The following CTNNA3 variants were observed in gnomAD, a reference collection of about 807,000 sequenced individuals.
The protein encoded by CTNNA3 is catenin alpha 3.
Under a neutral mutation model 95.7 loss-of-function variants are expected in CTNNA3, and 76 were observed. The observed-to-expected ratio is 0.79, with a 90% CI of 0.66 to 0.96. The LOEUF is 0.96. Ranked by LOEUF, CTNNA3 falls within the 40% of genes least tolerant of loss-of-function variation. CTNNA3 has a pLI of 0.00. For missense variants in CTNNA3, 1,191 were observed against 1,089.8 expected (o/e 1.09, Z -1.31); for synonymous variants, 431 against 374.4 (o/e 1.15, Z -1.74).
chr10:66,541,199 T>A (rs1422845728), intron 10 of CTNNA3, among the ~76,000 whole-genome samples: 1 of 152,138 alleles, frequency 6.6e-6, no homozygotes, highest in Admixed American at 6.6e-5. Context: ...TAGGTGTGGC[T>A]TCAATTATTT....
rs1043238512 is a variant in CTNNA3, at chr10:66,408,333, T to G, written c.1532-28981A>C. Among the ~76,000 whole-genome samples the G allele has an allele frequency of 5.1e-4, 77 of 152,334 alleles. 1 individual carries two copies. Among genetic ancestry groups the G allele is most frequent in the African/African-American group, 1.8e-3 (74 of 41,574 alleles). On this transcript the variant is annotated intron_variant, in intron 11 of 17. Coordinates refer to ENST00000433211, the MANE Select transcript of CTNNA3 (RefSeq NM_013266.4). Reference sequence around the variant, plus strand: ...TCTTATTTTCCAAATGGTGGCCTTTTTTCTCTCCTTCAACTATAAAATTAT... The same window carrying G: ...TCTTATTTTCCAAATGGTGGCCTTTGTTCTCTCCTTCAACTATAAAATTAT...
chr10:66,568,290 C>A (rs989792029), intron 10 of CTNNA3, among the ~76,000 whole-genome samples: 1 of 152,110 alleles, frequency 6.6e-6, no homozygotes, highest in Non-Finnish European at 1.5e-5. Context: ...TAGAGTCCAA[C>A]CTGATTGTAG....
intron 15 of CTNNA3, among the ~76,000 whole-genome samples, chr10:66,028,349 T>C (rs1589266177): frequency 6.6e-6 from 1 of 152,272 alleles, no homozygotes; most frequent in East Asian, 1.9e-4. Flanking sequence ...CCAACCCAAA[T>C]GTCCAACAAT....
intron 14 of CTNNA3, chr10:66,098,765 T>C (rs2081499271): frequency 6.6e-6 from 1 of 152,194 alleles, no homozygotes; most frequent in South Asian, 2.1e-4. Context: ...AAACTCAAAC[T>C]CCTGTGTCAC....
intron 13 of CTNNA3, among the ~76,000 whole-genome samples, chr10:66,187,642 C>T (rs2086414358): frequency 3.3e-5 from 5 of 151,822 alleles, no homozygotes; most frequent in Admixed American, 3.3e-4. Context: ...GTAAGAAAAT[C>T]TCTATCAATT....
At chr10:67,507,030 A>C (rs979318099) in intron 5 of CTNNA3, among the ~76,000 whole-genome samples, 1 of 152,142 alleles carries the variant, frequency 6.6e-6, no homozygotes, top group African/African-American at 2.4e-5. Context: ...AAAAGAATGG[A>C]GACTCAAATA....
intron 7 of CTNNA3, among the ~76,000 whole-genome samples, chr10:67,083,054 G>T (rs1857130057): frequency 6.6e-6 from 1 of 152,126 alleles, no homozygotes; most frequent in African/African-American, 2.4e-5. Flanking sequence ...TCACCTAAGG[G>T]TCAGGAGAGG....
At chr10:66,646,086 C>T (rs777193359) in intron 9 of CTNNA3, among the ~76,000 whole-genome samples, 1 of 151,990 alleles carries the variant, frequency 6.6e-6, no homozygotes, top group Non-Finnish European at 1.5e-5. Context: ...CAAAAACTTG[C>T]CAGGATTTTG....
intron 5 of CTNNA3, among the ~76,000 whole-genome samples, chr10:67,353,458 T>C (rs897642740): frequency 7.0e-6 from 1 of 143,726 alleles, no homozygotes; most frequent in African/African-American, 2.5e-5. Flanking sequence ...AAAAGTACCA[T>C]TGAACTCATC....
intron 13 of CTNNA3, among the ~76,000 whole-genome samples, chr10:66,126,991 G>A (rs891931751): frequency 1.1e-4 from 16 of 151,876 alleles, no homozygotes; most frequent in Admixed American, 2.6e-4. Flanking sequence ...GAAAATGGCC[G>A]GGCGCGGTGG....
Position 67,234,280 on chromosome 10 carries a change from C to G in CTNNA3, c.580-14410G>C, listed in dbSNP as rs538794997. Among the ~76,000 whole-genome samples the G allele has an allele frequency of 4.3e-4, 66 of 152,270 alleles. 1 individual carries two copies. The South Asian group carries it at 0.014, about 32-fold the overall frequency. ...AAATCCTGAATAAAATACTGGGAAA[C>G]CAAATCCAGCAGCACATCAAAAAGC... On this transcript the variant is annotated intron_variant, in intron 5 of 17. Coordinates refer to ENST00000433211, the MANE Select transcript of CTNNA3 (RefSeq NM_013266.4).
At chr10:67,106,375 C>T (rs925341496) in intron 7 of CTNNA3, among the ~76,000 whole-genome samples, 1 of 152,160 alleles carries the variant, frequency 6.6e-6, no homozygotes, top group Admixed American at 6.5e-5. Flanking sequence ...CATATACTTT[C>T]GCTTTCTGAG....
At chr10:67,355,946 A>G (rs1842791918) in intron 5 of CTNNA3, among the ~76,000 whole-genome samples, 1 of 151,926 alleles carries the variant, frequency 6.6e-6, no homozygotes, top group East Asian at 1.9e-4. Context: ...GGAGTTAGAG[A>G]GTATCAAAGT....
At chr10:66,983,375 T>C (rs1465012620) in intron 7 of CTNNA3, among the ~76,000 whole-genome samples, 2 of 152,098 alleles carry the variant, frequency 1.3e-5, no homozygotes, top group Non-Finnish European at 2.9e-5. Context: ...CCCCAACTAA[T>C]GTGTCTGTGT....
intron 5 of CTNNA3, among the ~76,000 whole-genome samples, chr10:67,347,909 C>G (rs1353862354): frequency 6.7e-6 from 1 of 149,610 alleles, no homozygotes; most frequent in Non-Finnish European, 1.5e-5. Flanking sequence ...GTTTTTTCAA[C>G]TAAACACCAA....
Position 67,566,043 on chromosome 10 carries a change from G to GTATATATATATA in CTNNA3, c.293-26386_293-26375dup, listed in dbSNP as rs772272609. Among the ~76,000 whole-genome samples the GTATATATATATA allele has an allele frequency of 5.1e-3, 136 of 26,926 alleles. 13 individuals are homozygous for GTATATATATATA. The highest frequency in any genetic ancestry group is 0.013 in the African/African-American group (81 of 6,042). 17.7% of individuals were successfully genotyped at this position (26,926 alleles called of 152,430 possible). A position where few individuals can be genotyped will look rare whatever the true frequency, so the allele number is the denominator to read the frequency against. ...CACACACACACACATATGTGTGTGT[G>GTATATATATATA]TATATATATATATATATATATATAT... On this transcript the variant is annotated intron_variant, in intron 3 of 17. Coordinates refer to ENST00000433211, the MANE Select transcript of CTNNA3 (RefSeq NM_013266.4).
intron 9 of CTNNA3, among the ~76,000 whole-genome samples, chr10:66,711,008 G>T (rs1848273442): frequency 6.6e-6 from 1 of 151,988 alleles, no homozygotes; most frequent in Non-Finnish European, 1.5e-5. Context: ...TGTGTTAGCA[G>T]TTTATGCAGT....
At chr10:66,845,703 CAAAAAAA>C (rs61085873) in intron 7 of CTNNA3, among the ~76,000 whole-genome samples, 4,578 of 23,392 alleles carry the variant, frequency 0.2, 329 homozygotes, top group East Asian at 0.46. Flanking sequence ...AACTCTGTCT[CAAAAAAA>C]AAAAAAAAAA....
chr10:67,646,078 T>C (rs925979173), intron 2 of CTNNA3, among the ~76,000 whole-genome samples: 4 of 150,442 alleles, frequency 2.7e-5, no homozygotes, highest in Admixed American at 2.7e-4. Flanking sequence ...AACATTAATG[T>C]TTATCTCTTG....
Sources: allele counts gnomAD v4.1 joint callset (sites outside exome capture counted in the v4.1 genomes callset), GRCh38; gene constraint gnomAD v4.1.1; transcripts MANE v1.5; gene names NCBI Gene and HGNC (gene_info 2026-07-23, HGNC 2026-07-21).